Variants in ANKIB1 observed in about 807,000 individuals in gnomAD.
The protein encoded by ANKIB1 is ankyrin repeat and IBR domain containing 1.
ANKIB1 carries 43 observed loss-of-function variants against 122.1 expected under a neutral mutation model. That is an observed-to-expected ratio of 0.35 (90% CI 0.28 to 0.45). ANKIB1 has a LOEUF of 0.45. Ranked by LOEUF, ANKIB1 falls within the 20% of genes least tolerant of loss-of-function variation. ANKIB1 has a pLI of 1.00. For missense variants in ANKIB1, 992 were observed against 1,329.5 expected, an observed-to-expected ratio of 0.75 and a Z score of 3.95; for synonymous variants, 390 against 442.0, an observed-to-expected ratio of 0.88 and a Z score of 1.48.
At chr7:92,364,696 CA>C (rs1804033027) in intron 10 of ANKIB1, among the ~76,000 whole-genome samples, 1 of 152,070 alleles carries the variant, frequency 6.6e-6, no homozygotes, top group Non-Finnish European at 1.5e-5. Flanking sequence ...GTGTTATTGC[CA>C]AATTGTTTGA....
intron 1 of ANKIB1, among the ~76,000 whole-genome samples, chr7:92,247,106 G>C (rs1801122550): frequency 6.6e-6 from 1 of 152,192 alleles, no homozygotes; most frequent in African/African-American, 2.4e-5. Flanking sequence ...CTGTAATAAA[G>C]CATCTCCTGA....
chr7:92,303,880 G>A (rs936775456), intron 2 of ANKIB1, among the ~76,000 whole-genome samples: 1 of 152,096 alleles, frequency 6.6e-6, no homozygotes, highest in Non-Finnish European at 1.5e-5. Flanking sequence ...AAGAAATAGA[G>A]GTAACAGCTA....
chr7:92,276,975 TTGCTGTGATAA>T (rs1801918508), intron 1 of ANKIB1, among the ~76,000 whole-genome samples: 1 of 152,204 alleles, frequency 6.6e-6, no homozygotes, highest in South Asian at 2.1e-4. Context: ...CACCATCCCC[TTGCTGTGATAA>T]AGAGTGAGTT....
chr7:92,332,288 T>A (rs1026828649), intron 5 of ANKIB1, among the ~76,000 whole-genome samples: 2 of 152,224 alleles, frequency 1.3e-5, no homozygotes, highest in African/African-American at 4.8e-5. Flanking sequence ...ATAATTGCTC[T>A]TAAAGCCAGG....
chr7:92,344,193 GTTTT>G (rs67933063), intron 6 of ANKIB1, among the ~76,000 whole-genome samples: 20 of 97,676 alleles, frequency 2.0e-4, no homozygotes, highest in Non-Finnish European at 2.8e-4. Flanking sequence ...TGTGTTTTTG[GTTTT>G]TTTTTTTTTT....
At chr7:92,363,367 C>T (rs1280273971) in intron 10 of ANKIB1, among the ~76,000 whole-genome samples, 1 of 151,920 alleles carries the variant, frequency 6.6e-6, no homozygotes, top group Non-Finnish European at 1.5e-5. Flanking sequence ...GGCAAGATTG[C>T]GCCACTGCAC....
At chr7:92,302,830 C>T (rs557653621) in intron 2 of ANKIB1, among the ~76,000 whole-genome samples, 39 of 152,266 alleles carry the variant, frequency 2.6e-4, no homozygotes, top group African/African-American at 9.4e-4. Context: ...TCCCAACCCC[C>T]CTTATCTTGC....
chr7:92,260,038 G>A (rs1173473009), intron 1 of ANKIB1, among the ~76,000 whole-genome samples: 1 of 152,028 alleles, frequency 6.6e-6, no homozygotes, highest in Non-Finnish European at 1.5e-5. Context: ...ACCCCCATTA[G>A]TCTTCTTAAC....
intron 1 of ANKIB1, among the ~76,000 whole-genome samples, chr7:92,276,001 T>G (rs987553980): frequency 3.9e-5 from 6 of 152,216 alleles, no homozygotes; most frequent in Admixed American, 2.0e-4. Flanking sequence ...CCATATGTCT[T>G]TGTGTGTGGT....
chr7:92,389,888 TGA>T, intron 14 of ANKIB1, 81 bp from the exon 15 acceptor site: 1 of 1,417,758 alleles, frequency 7.1e-7, no homozygotes, highest in Non-Finnish European at 9.5e-7. Context: ...TTTCCTTTTT[TGA>T]GAAAAAAAAT....
intron 1 of ANKIB1, among the ~76,000 whole-genome samples, chr7:92,261,819 A>G (rs927608108): frequency 2.0e-5 from 3 of 151,946 alleles, no homozygotes; most frequent in Admixed American, 1.3e-4. Flanking sequence ...TGCTTCAGAT[A>G]TTTCATTTCA....
chr7:92,266,519 G>A (rs918369495), intron 1 of ANKIB1, among the ~76,000 whole-genome samples: 3 of 152,142 alleles, frequency 2.0e-5, no homozygotes, highest in Non-Finnish European at 4.4e-5. Flanking sequence ...TGGGATGGCA[G>A]AGAAGTTCTC....
intron 2 of ANKIB1, among the ~76,000 whole-genome samples, chr7:92,296,425 T>G (rs961690980): frequency 6.6e-6 from 1 of 152,104 alleles, no homozygotes; most frequent in Non-Finnish European, 1.5e-5. Context: ...GGGATCTTGC[T>G]GTGTTGCCCA....
chr7:92,339,167 G>A (rs1478627811), intron 5 of ANKIB1, among the ~76,000 whole-genome samples: 45 of 143,952 alleles, frequency 3.1e-4, no homozygotes, highest in Non-Finnish European at 4.2e-4. Flanking sequence ...TCAGCCTCCC[G>A]AGTAGCTGGG....
intron 3 of ANKIB1, among the ~76,000 whole-genome samples, chr7:92,315,618 G>A (rs139530461): frequency 6.6e-6 from 1 of 152,272 alleles, no homozygotes; most frequent in Non-Finnish European, 1.5e-5. Context: ...TGTCAAAGAT[G>A]CAAGAGAAGA....
intron 1 of ANKIB1, among the ~76,000 whole-genome samples, chr7:92,267,365 G>C (rs1180154373): frequency 6.6e-6 from 1 of 152,088 alleles, no homozygotes; most frequent in East Asian, 1.9e-4. Flanking sequence ...TACCCCAGAA[G>C]CCTTCCCTCA....
intron 1 of ANKIB1, among the ~76,000 whole-genome samples, chr7:92,292,916 T>C (rs1270966830): frequency 6.6e-6 from 1 of 152,202 alleles, no homozygotes; most frequent in Non-Finnish European, 1.5e-5. Context: ...TCTTTCTCTT[T>C]GTTCATATAT....
chr7:92,266,068 C>A (rs1374767119), intron 1 of ANKIB1, among the ~76,000 whole-genome samples: 1 of 152,136 alleles, frequency 6.6e-6, no homozygotes, highest in Admixed American at 6.5e-5. Flanking sequence ...CATTTAGACA[C>A]CAGATAAATT....
intron 8 of ANKIB1, among the ~76,000 whole-genome samples, chr7:92,351,720 G>A (rs370460565): frequency 8.6e-6 from 1 of 116,642 alleles, no homozygotes; most frequent in Non-Finnish European, 1.8e-5. Context: ...TTTTTTTTTT[G>A]TTTTTTTTTT....
Sources: gnomAD v4.1 joint callset for allele counts (sites outside exome capture counted in the v4.1 genomes callset) on GRCh38, gnomAD v4.1.1 for gene constraint, MANE v1.5 for transcripts, NCBI Gene and HGNC (gene_info 2026-07-23, HGNC 2026-07-21) for gene names.